The following HDAC4 variants were observed in gnomAD, a reference collection of about 807,000 sequenced individuals.
HDAC4 encodes histone deacetylase A.
HDAC4 carries 16 observed loss-of-function variants against 135.1 expected under a neutral mutation model. That is an observed-to-expected ratio of 0.12 (90% CI 0.08 to 0.18). The LOEUF (loss-of-function observed/expected upper bound fraction) is 0.18, where lower values mean the gene tolerates loss of function less well. Among genes scored for constraint, HDAC4 ranks in the 10% least tolerant of loss-of-function variants. HDAC4 has a pLI of 1.00. For synonymous variants in HDAC4, 685 were observed against 653.4 expected, an observed-to-expected ratio of 1.05 and a Z score of -0.74; for missense variants, 1,143 against 1,511.8, an observed-to-expected ratio of 0.76 and a Z score of 4.05.
At chr2:239,071,239 G>GA (rs2034169899) in intron 22 of HDAC4, among the ~76,000 whole-genome samples, 1 of 152,012 alleles carries the variant, frequency 6.6e-6, no homozygotes, top group Non-Finnish European at 1.5e-5. Flanking sequence ...CCAACATGGT[G>GA]AAACCCCATC....
chr2:239,280,273 G>A (rs573115974), intron 2 of HDAC4, among the ~76,000 whole-genome samples: 68 of 152,240 alleles, frequency 4.5e-4, no homozygotes, highest in Admixed American at 3.6e-3. Context: ...CGAGTGCCTC[G>A]TACTCCCGAG....
intron 3 of HDAC4, among the ~76,000 whole-genome samples, chr2:239,229,290 T>C (rs2047412347): frequency 6.6e-6 from 1 of 152,170 alleles, no homozygotes; most frequent in Admixed American, 6.5e-5. Flanking sequence ...AGTAACGCTA[T>C]ATTGCAGTCA....
intron 2 of HDAC4, among the ~76,000 whole-genome samples, chr2:239,294,230 G>C (rs1019541256): frequency 6.6e-6 from 1 of 152,144 alleles, no homozygotes; most frequent in Admixed American, 6.5e-5. Flanking sequence ...GACAAGGACC[G>C]CAATCACCAG....
At chr2:239,151,250 C>A (rs1339860325) in intron 7 of HDAC4, among the ~76,000 whole-genome samples, 2 of 152,238 alleles carry the variant, frequency 1.3e-5, no homozygotes, top group Non-Finnish European at 2.9e-5. Context: ...TGGGACTTGA[C>A]TAATGAAAGA....
rs541222622 is a variant in HDAC4, at chr2:239,327,720, G to A, written c.22+24958C>T. On this transcript the variant is annotated intron_variant, in intron 2 of 26. Transcript: ENST00000543185. Reference sequence around the variant, plus strand: ...CTCACAGGATGGGACTCAGAACCAGGGCCTGACAGCCTCCCCAAAGCGTGC... The same window carrying A: ...CTCACAGGATGGGACTCAGAACCAGAGCCTGACAGCCTCCCCAAAGCGTGC... Among the ~76,000 whole-genome samples, 13 of 152,272 alleles carry A rather than the reference G, an allele frequency of 8.5e-5. No individual in the cohort carries two copies. The South Asian group carries it at 2.3e-3, about 27-fold the overall frequency.
At chr2:239,354,182 G>A (rs920892757) in intron 1 of HDAC4, among the ~76,000 whole-genome samples, 9 of 152,116 alleles carry the variant, frequency 5.9e-5, no homozygotes, top group Admixed American at 2.0e-4. Flanking sequence ...CACGTTCTCT[G>A]TGCTGATATT....
In HDAC4 at chr2:239,262,125, C is replaced by T. The variant is rs570315933; in HGVS notation, c.23-25461G>A. On this transcript the variant is annotated intron_variant, in intron 2 of 26. Transcript: ENST00000543185. This position sits in a 1 kb window ranked among gnomAD's most constrained non-coding sequence, Gnocchi z 4.1. ...ACGCCAGCGCCGCCTGCAGTGACGC[C>T]GGGCCACGCTCACCCCAAGGCCCAA... Among the ~76,000 whole-genome samples the T allele has an allele frequency of 9.2e-5, 14 of 152,236 alleles. No homozygotes were observed. Among genetic ancestry groups the T allele is most frequent in the Admixed American group, 4.6e-4 (7 of 15,294 alleles).
Position 239,061,346 on chromosome 2 carries a change from C to T in HDAC4, c.3003+5376G>A, listed in dbSNP as rs115443519. 4.9e-3 allele frequency among the ~76,000 whole-genome samples: 710 copies of T among 146,048 alleles called. 9 individuals are homozygous for T. The highest frequency in any genetic ancestry group is 0.017 in the African/African-American group (656 of 38,992). On this transcript the variant is annotated intron_variant, in intron 24 of 26. Transcript: ENST00000543185. ...CACAAGAGGGCATACCTGTGTGGTG[C>T]ATGTGATGTGTGAGACTGTGGTACC...
chr2:239,123,955 C>T (rs766369238), intron 12 of HDAC4, among the ~76,000 whole-genome samples: 34 of 151,342 alleles, frequency 2.2e-4, no homozygotes, highest in Non-Finnish European at 3.4e-4. Context: ...CCTGAGCCTC[C>T]GGACAGGTGG....
intron 12 of HDAC4, among the ~76,000 whole-genome samples, chr2:239,122,445 T>C (rs1232702474): frequency 2.0e-5 from 3 of 152,236 alleles, no homozygotes; most frequent in Admixed American, 1.3e-4. Flanking sequence ...CAGTTTCACC[T>C]GCAGAGTTCC....
intron 1 of HDAC4, among the ~76,000 whole-genome samples, chr2:239,383,049 T>G (rs1486134074): frequency 6.6e-6 from 1 of 152,112 alleles, no homozygotes; most frequent in Non-Finnish European, 1.5e-5. Context: ...TCAAGTGAAG[T>G]GTTCATTTCA....
chr2:239,075,663 G>A (rs1178750626), intron 22 of HDAC4, among the ~76,000 whole-genome samples: 1 of 152,218 alleles, frequency 6.6e-6, no homozygotes, highest in African/African-American at 2.4e-5. Context: ...TGAAGCCGTG[G>A]GGTGCCACGC....
chr2:239,172,673 A>G (rs754567204), intron 5 of HDAC4, among the ~76,000 whole-genome samples: 46 of 152,192 alleles, frequency 3.0e-4, no homozygotes, highest in Non-Finnish European at 6.5e-4. Context: ...TCGATATTCA[A>G]CAAACAACAT....
chr2:239,329,157 C>T (rs1246418316), intron 2 of HDAC4, among the ~76,000 whole-genome samples: 1 of 151,534 alleles, frequency 6.6e-6, no homozygotes, highest in Non-Finnish European at 1.5e-5. Context: ...CCCCCCAGTG[C>T]AGCTACCTCC....
At chr2:239,346,858 C>A (rs559665237) in intron 2 of HDAC4, among the ~76,000 whole-genome samples, 16 of 150,542 alleles carry the variant, frequency 1.1e-4, no homozygotes, top group South Asian at 2.1e-4. Flanking sequence ...CTCACACACA[C>A]CCTATCTAAA....
In HDAC4 at chr2:239,355,067, T is replaced by C. The variant is rs556497459; in HGVS notation, c.-219-2149A>G. On this transcript the variant is annotated intron_variant, in intron 1 of 26. Transcript: ENST00000543185. Reference sequence around the variant, plus strand: ...AGTCTTGATGTTGTGGTTGTTACCATTTTCTTCTGCCTGGAATCTACTGGC... The same window carrying C: ...AGTCTTGATGTTGTGGTTGTTACCACTTTCTTCTGCCTGGAATCTACTGGC... 5.3e-5 allele frequency among the ~76,000 whole-genome samples: 8 copies of C among 152,312 alleles called. No individual in the cohort carries two copies. In the East Asian group the frequency reaches 1.3e-3, roughly 26 times the overall value.
At chr2:239,065,159 T>C (rs1315415642) in intron 24 of HDAC4, among the ~76,000 whole-genome samples, 1 of 152,122 alleles carries the variant, frequency 6.6e-6, no homozygotes, top group East Asian at 1.9e-4. Context: ...ATGGCTGCAG[T>C]CCCTGCCATC....
At chr2:239,114,959 C>A in intron 13 of HDAC4, 94 bp downstream of exon 13, 1 of 1,475,540 alleles carries the variant, frequency 6.8e-7, no homozygotes, top group East Asian at 2.4e-5. Flanking sequence ...CAAGGATGCC[C>A]TGCAGCCCCC....
At chr2:239,367,357 T>G (rs2125991040) in intron 1 of HDAC4, among the ~76,000 whole-genome samples, 1 of 152,334 alleles carries the variant, frequency 6.6e-6, no homozygotes, top group East Asian at 1.9e-4. Context: ...CGCTTTGTGT[T>G]TTACCGAACG....
Sources: allele counts gnomAD v4.1 joint callset (sites outside exome capture counted in the v4.1 genomes callset), GRCh38; gene constraint gnomAD v4.1.1; non-coding constraint Gnocchi (gnomAD v3.1); transcripts MANE v1.5; gene names NCBI Gene and HGNC (gene_info 2026-07-23, HGNC 2026-07-21).